Variants in CEP162 observed in about 807,000 individuals in gnomAD.
CEP162 encodes the protein centrosomal protein 162.
In CEP162, 141 loss-of-function variants were observed where a neutral mutation model predicts 169.2. That is an observed-to-expected ratio of 0.83 (90% CI 0.73 to 0.96). CEP162 has a LOEUF of 0.96. Among genes scored for constraint, CEP162 ranks in the 40% least tolerant of loss-of-function variants. The probability of loss-of-function intolerance (pLI) is 0.00; values close to 1 mark genes in which losing one functional copy is unlikely to be tolerated. For missense variants in CEP162, 1,600 were observed against 1,587.2 expected (o/e 1.01, Z -0.14); for synonymous variants, 540 against 526.4 (o/e 1.03, Z -0.35).
intron 25 of CEP162, among the ~76,000 whole-genome samples, chr6:84,127,248 C>T (rs549076704): frequency 3.3e-5 from 5 of 152,008 alleles, no homozygotes; most frequent in Non-Finnish European, 7.4e-5. Context: ...CAAAAGGCAA[C>T]AAAAACCAAA....
Position 84,160,915 on chromosome 6 carries a change from A to G in CEP162, c.2678T>C (p.Ile893Thr), listed in dbSNP as rs970806459. ...CCCAGATTCAGCTTTCAGTTTCTCA[A>G]TCTGTCAATAAATAAATAACATGTT... is the stretch of plus-strand genomic sequence containing the variant. ...NEEIEKLKLE[I>T]EKLKAESGNP... Residue 893 changes from isoleucine (I) to threonine (T), a missense_variant and splice_region_variant, in exon 21 of 27, where the codon ATT (isoleucine) becomes ACT (threonine). Physicochemically the swap from Ile to Thr is moderately conservative, Grantham distance 89. Transcript: ENST00000403245. The G allele has an allele frequency of 1.9e-6, 3 of 1,580,054 alleles. No individual in the cohort carries two copies. The highest frequency in any genetic ancestry group is 2.7e-5 in the African/African-American group (2 of 74,222).
At chr6:84,190,701 T>G (rs2099539506) in intron 11 of CEP162, among the ~76,000 whole-genome samples, 1 of 151,586 alleles carries the variant, frequency 6.6e-6, no homozygotes, top group Non-Finnish European at 1.5e-5. Context: ...CATCTGAACA[T>G]CAGAAGGGAC....
intron 21 of CEP162, among the ~76,000 whole-genome samples, chr6:84,156,845 T>C (rs757416374): frequency 2.6e-5 from 4 of 151,936 alleles, no homozygotes; most frequent in Non-Finnish European, 4.4e-5. Flanking sequence ...GAGGCCATTA[T>C]CCCAAGTGAA....
intron 6 of CEP162, among the ~76,000 whole-genome samples, chr6:84,204,691 A>G (rs1187990652): frequency 1.3e-5 from 2 of 152,242 alleles, no homozygotes; most frequent in East Asian, 3.8e-4. Context: ...GAGCAAACAC[A>G]TTCAAAAGCT....
rs117579106 is a variant in CEP162 at position 84,148,385 on chromosome 6, C to T, written c.3771+1177G>A. Among the ~76,000 whole-genome samples the T allele has an allele frequency of 6.1e-3, 920 of 152,044 alleles. 31 individuals carry two copies. In the East Asian group the frequency reaches 0.095, roughly 16 times the overall value. On this transcript the variant is annotated intron_variant, in intron 24 of 26. Coordinates refer to ENST00000403245, the MANE Select transcript of CEP162 (RefSeq NM_014895.4). ...CTCTACCAAAAATATAAAAATTAGT[C>T]AGGCATGGTGGCGTGCACCTGTAAT...
chr6:84,141,858 C>T (rs2099516802), intron 25 of CEP162, among the ~76,000 whole-genome samples: 1 of 152,092 alleles, frequency 6.6e-6, no homozygotes, highest in South Asian at 2.1e-4. Flanking sequence ...AAAAATATTC[C>T]TTAAGACTGT....
chr6:84,225,518 A>C (rs2099555357), intron 2 of CEP162, among the ~76,000 whole-genome samples: 1 of 152,228 alleles, frequency 6.6e-6, no homozygotes, highest in Non-Finnish European at 1.5e-5. Flanking sequence ...TATGAGGTGC[A>C]TGACTGTACA....
rs1382097448 is a variant in CEP162, at chr6:84,185,164, C to T, written c.1663+23G>A. 4 of 1,565,518 alleles carry T rather than the reference C, an allele frequency of 2.6e-6. No individual in the cohort carries two copies. In the South Asian group the frequency reaches 3.4e-5, roughly 13 times the overall value. ...GAAGCAAAGAAAGTAAAACAATATA[C>T]TAAATAAAGAGTATATGATTACCTT... is the stretch of plus-strand genomic sequence containing the variant. On this transcript the variant is annotated intron_variant, in intron 13 of 26. Coordinates refer to ENST00000403245, the MANE Select transcript of CEP162 (RefSeq NM_014895.4).
At chr6:84,180,328 A>G (rs893124368) in intron 13 of CEP162, among the ~76,000 whole-genome samples, 2 of 152,308 alleles carry the variant, frequency 1.3e-5, no homozygotes, top group Non-Finnish European at 1.5e-5. Context: ...TAAATTAGGT[A>G]TTGATGGGAC....
At chr6:84,132,046 A>C (rs879402155) in intron 25 of CEP162, among the ~76,000 whole-genome samples, 3 of 152,182 alleles carry the variant, frequency 2.0e-5, no homozygotes, top group Admixed American at 6.5e-5. Flanking sequence ...GGTGGTGACA[A>C]AATCTCTCAG....
At chr6:84,154,687 T>C (rs552911547) in intron 22 of CEP162, among the ~76,000 whole-genome samples, 1 of 152,210 alleles carries the variant, frequency 6.6e-6, no homozygotes, top group South Asian at 2.1e-4. Flanking sequence ...GTATCTAGCA[T>C]GAATTCCTGA....
intron 2 of CEP162, among the ~76,000 whole-genome samples, chr6:84,225,904 G>A (rs1220696255): frequency 6.6e-6 from 1 of 152,134 alleles, no homozygotes; most frequent in Non-Finnish European, 1.5e-5. Context: ...CTCCTAAGGT[G>A]AAATGAGCTT....
chr6:84,141,572 ACTC>A (rs897808303), intron 25 of CEP162, among the ~76,000 whole-genome samples: 2 of 151,848 alleles, frequency 1.3e-5, no homozygotes, highest in African/African-American at 4.8e-5. Flanking sequence ...TAATCCTAAA[ACTC>A]CTCCAACTTC....
intron 8 of CEP162, among the ~76,000 whole-genome samples, chr6:84,201,424 AT>A (rs2099544455): frequency 6.6e-6 from 1 of 152,200 alleles, no homozygotes; most frequent in Non-Finnish European, 1.5e-5. Flanking sequence ...GTGTGTATGT[AT>A]ATAACAAATA....
At chr6:84,225,239 A>T (rs934309625) in intron 2 of CEP162, among the ~76,000 whole-genome samples, 3 of 152,176 alleles carry the variant, frequency 2.0e-5, no homozygotes, top group Non-Finnish European at 4.4e-5. Context: ...GTATATTTAC[A>T]CAAACCTAGA....
At chr6:84,125,394 T>C in intron 26 of CEP162, 118 bp from the exon 27 acceptor site, 1 of 774,668 alleles carries the variant, frequency 1.3e-6, no homozygotes, top group Middle Eastern at 3.5e-4. Context: ...TAAATCATAA[T>C]GCTCTGCGTG....
intron 7 of CEP162, among the ~76,000 whole-genome samples, chr6:84,202,328 G>A (rs1446643816): frequency 1.3e-5 from 2 of 151,804 alleles, no homozygotes; most frequent in Non-Finnish European, 2.9e-5. Context: ...CTCCTACTTG[G>A]GTAGGCAGTT....
intron 6 of CEP162, among the ~76,000 whole-genome samples, chr6:84,210,610 A>G (rs938359078): frequency 2.0e-5 from 3 of 152,332 alleles, no homozygotes; most frequent in African/African-American, 7.2e-5. Context: ...ATAAGACAGT[A>G]ATCAAGAGAG....
At position 84,215,380 on chromosome 6, in the gene CEP162, A is replaced by G; in HGVS notation, c.405T>C (p.Phe135=). The stretch of plus-strand genomic sequence containing the variant: ...ATGTCAAGCCTTTCTCAAGCCTGGC[A>G]AAAAATTGTTCTTTCTCCTCTTGTT... ...LEEQEEKEQF[F]ARLEKGLTSS... The change falls in exon 5 of 27, where the codon TTT becomes TTC. Residue 135 remains phenylalanine, a synonymous_variant. Coordinates refer to ENST00000403245, the MANE Select transcript of CEP162 (RefSeq NM_014895.4). 6.2e-7 allele frequency: 1 copy of G among 1,608,598 alleles called. No individual in the cohort carries two copies. Among genetic ancestry groups the G allele is most frequent in the Non-Finnish European group, 8.5e-7 (1 of 1,176,774 alleles).
Sources: allele counts gnomAD v4.1 joint callset (sites outside exome capture counted in the v4.1 genomes callset), GRCh38; gene constraint gnomAD v4.1.1; transcripts MANE v1.5; gene names NCBI Gene and HGNC (gene_info 2026-07-23, HGNC 2026-07-21).